SIPA1L3: variants seen among roughly 807,000 people sequenced by gnomAD.
The protein encoded by SIPA1L3 is signal-induced proliferation-associated 1-like protein 3.
Under a neutral mutation model 150.1 loss-of-function variants are expected in SIPA1L3, and 59 were observed. The observed-to-expected ratio is 0.39, with a 90% CI of 0.32 to 0.49. SIPA1L3 has a LOEUF of 0.49. Ranked by LOEUF, SIPA1L3 falls within the 20% of genes least tolerant of loss-of-function variation. SIPA1L3 has a pLI of 0.86. For synonymous variants in SIPA1L3, 1,070 were observed against 1,077.6 expected, an observed-to-expected ratio of 0.99 and a Z score of 0.14; for missense variants, 2,211 against 2,489.5, an observed-to-expected ratio of 0.89 and a Z score of 2.38.
intron 10 of SIPA1L3, among the ~76,000 whole-genome samples, chr19:38,134,339 C>T (rs1053586223): frequency 2.1e-5 from 3 of 141,970 alleles, no homozygotes; most frequent in Non-Finnish European, 4.5e-5. Context: ...CTCAGCTACT[C>T]AGGGTGAGAT....
chr19:37,920,942 T>A (rs560548340), intron 1 of SIPA1L3, among the ~76,000 whole-genome samples: 1 of 152,322 alleles, frequency 6.6e-6, no homozygotes, highest in East Asian at 1.9e-4. Flanking sequence ...TCCCACATTT[T>A]TTCCAAGGAC....
rs1397079071 is a variant in SIPA1L3 at position 38,193,566 on chromosome 19, G to A, written c.4626G>A (p.Thr1542=). The change falls in exon 18 of 22, where the codon ACG becomes ACA. Residue 1542 remains threonine, a synonymous_variant. Coordinates refer to ENST00000222345, the MANE Select transcript of SIPA1L3 (RefSeq NM_015073.3). The part of the protein sequence containing the change: ...GQSPQKGLQR[T]LSDESLCSGR... ...CACCGCAGAAGGGCCTGCAGCGGAC[G>A]CTGTCGGACGAGAGCCTGTGCAGCG... 3.3e-6 allele frequency: 5 copies of A among 1,523,558 alleles called. No individual in the cohort carries two copies. Among genetic ancestry groups the A allele is most frequent in the Non-Finnish European group, 4.4e-6 (5 of 1,145,802 alleles). The allele number at this position is 1,523,558 out of a possible 1,614,324, so 94.4% of individuals were successfully genotyped here. A position where few individuals can be genotyped will look rare whatever the true frequency, so the allele number is the denominator to read the frequency against.
At chr19:38,112,397 T>G (rs1167451640) in intron 8 of SIPA1L3, among the ~76,000 whole-genome samples, 1 of 152,100 alleles carries the variant, frequency 6.6e-6, no homozygotes, top group Non-Finnish European at 1.5e-5. Flanking sequence ...GGGAGCTGCT[T>G]TCTCTTCTTC....
chr19:38,112,916 C>A (rs1970798133), intron 8 of SIPA1L3, among the ~76,000 whole-genome samples: 1 of 152,122 alleles, frequency 6.6e-6, no homozygotes, highest in Non-Finnish European at 1.5e-5. Flanking sequence ...TCCTTCAAGA[C>A]TGAACTCAGG....
chr19:37,970,768 A>G (rs1452740485), intron 1 of SIPA1L3, among the ~76,000 whole-genome samples: 1 of 152,218 alleles, frequency 6.6e-6, no homozygotes, highest in Non-Finnish European at 1.5e-5. Flanking sequence ...AACTACCTTC[A>G]CGTTCTAAAG....
Position 38,164,597 on chromosome 19 carries a change from C to T in SIPA1L3, c.3899C>T (p.Pro1300Leu), listed in dbSNP as rs201089980. ...PLDPLEPEQD[P>L]LSKGGSSDSG... ...GACCCCCTGGAGCCAGAGCAAGACC[C>T]CCTCTCCAAGGGTGGCTCTAGTGAC... Residue 1300 changes from proline (P) to leucine (L), a missense_variant, in exon 15 of 22, where the codon CCC becomes CTC. Pro to Leu is a moderately conservative substitution (Grantham distance 98). Transcript: ENST00000222345. The surrounding 1 kb of genome is among the most constrained non-coding windows in gnomAD (Gnocchi z 4.1). 2.5e-6 allele frequency: 4 copies of T among 1,614,180 alleles called. No individual in the cohort carries two copies. In the East Asian group the frequency reaches 8.9e-5, roughly 36 times the overall value.
chr19:37,949,165 T>C (rs2046739334), intron 1 of SIPA1L3, among the ~76,000 whole-genome samples: 1 of 152,198 alleles, frequency 6.6e-6, no homozygotes, highest in African/African-American at 2.4e-5. Context: ...CGATTTTCTG[T>C]CTCCATCTCC....
chr19:38,049,519 C>T (rs942629819), intron 2 of SIPA1L3, among the ~76,000 whole-genome samples: 4 of 152,158 alleles, frequency 2.6e-5, no homozygotes, highest in African/African-American at 9.7e-5. Context: ...ATCCAGGTTG[C>T]CCCTAGCTCC....
intron 21 of SIPA1L3, 90 bp from the exon 22 acceptor site, chr19:38,206,007 G>A (rs780850310): frequency 7.4e-5 from 103 of 1,395,366 alleles, no homozygotes; most frequent in Middle Eastern, 2.6e-4. Context: ...AAGCACAGCC[G>A]GGCCAGGGCT....
Position 38,088,752 on chromosome 19 carries a change from G to C in SIPA1L3, c.1566G>C (p.Lys522Asn). 6.2e-7 allele frequency: 1 copy of C among 1,614,132 alleles called. No individual in the cohort carries two copies. The highest frequency in any genetic ancestry group is 8.5e-7 in the Non-Finnish European group (1 of 1,179,978). ...CCAATTACTTCGGCGTGGATGAGAA[G>C]CTGGGGCCAGTGGCTGTGAGCATTA... Reference protein sequence around the residue: ...EHANYFGVDEKLGPVAVSIKR... With the variant: ...EHANYFGVDENLGPVAVSIKR... Residue 522 changes from lysine to asparagine, a missense_variant, in exon 4 of 22, where the codon AAG (lysine) becomes AAC (asparagine). By Grantham distance (94) the Lys-to-Asn change is moderately conservative. Around this residue, in one of 5 missense-constraint regions of SIPA1L3, gnomAD observed 625 missense variants for 804.2 expected, o/e 0.78. Transcript: ENST00000222345.
In SIPA1L3 at chr19:38,192,286, G is replaced by A; in HGVS notation, c.4572G>A (p.Gly1524=). 6.2e-7 allele frequency: 1 copy of A among 1,611,466 alleles called. No homozygotes were observed. The highest frequency in any genetic ancestry group is 8.5e-7 in the Non-Finnish European group (1 of 1,178,824). ...AACTCATCATCATGGACAACCTGGG[G>A]CCAGAGCAGGAGAGAGACACGGGAG... is the stretch of plus-strand genomic sequence containing the variant. ...LKKLIIMDNL[G]PEQERDTGQS... The change falls in exon 17 of 22, where the codon GGG becomes GGA. Residue 1524 remains glycine (G), a synonymous_variant. Coordinates refer to ENST00000222345, the MANE Select transcript of SIPA1L3 (RefSeq NM_015073.3).
At chr19:38,118,929 T>G (rs1335665827) in intron 8 of SIPA1L3, among the ~76,000 whole-genome samples, 1 of 152,142 alleles carries the variant, frequency 6.6e-6, no homozygotes, top group Non-Finnish European at 1.5e-5. Context: ...GTGTGGTGGC[T>G]CACAGCTGTA....
intron 6 of SIPA1L3, among the ~76,000 whole-genome samples, chr19:38,102,592 GAAA>G (rs71179412): frequency 6.0e-5 from 4 of 66,868 alleles, no homozygotes; most frequent in Non-Finnish European, 9.9e-5. Flanking sequence ...CCCTGTCTCT[GAAA>G]AAAAAAAAAA....
At chr19:37,986,538 A>G (rs888522940) in intron 1 of SIPA1L3, among the ~76,000 whole-genome samples, 1 of 151,692 alleles carries the variant, frequency 6.6e-6, no homozygotes, top group Non-Finnish European at 1.5e-5. Flanking sequence ...CAGGAAGCTG[A>G]GAATTGTCAG....
chr19:38,180,002 A>T (rs1161548362), intron 15 of SIPA1L3, among the ~76,000 whole-genome samples: 2 of 152,056 alleles, frequency 1.3e-5, no homozygotes, highest in Non-Finnish European at 2.9e-5. Context: ...GCCACCACTC[A>T]GTTAATTTTT....
chr19:37,919,329 A>G (rs575262846), intron 1 of SIPA1L3, among the ~76,000 whole-genome samples: 2 of 152,336 alleles, frequency 1.3e-5, no homozygotes, highest in South Asian at 4.1e-4. Context: ...ACGAGCCAGC[A>G]TTCACTGAGC....
chr19:38,152,725 C>T (rs756179996), intron 12 of SIPA1L3, 115 bp from the exon 13 acceptor site: 54 of 1,128,862 alleles, frequency 4.8e-5, no homozygotes, highest in Non-Finnish European at 4.5e-5. Flanking sequence ...TCATCCACAG[C>T]GGAGCCTCCC....
Position 38,082,434 on chromosome 19 carries a change from G to A in SIPA1L3, c.869G>A (p.Gly290Asp), listed in dbSNP as rs1333256492. Residue 290 changes from glycine (G) to aspartate (D), a missense_variant, in exon 3 of 22, where the codon GGC becomes GAC. Gly to Asp is a moderately conservative substitution (Grantham distance 94). Coordinates refer to ENST00000222345, the MANE Select transcript of SIPA1L3 (RefSeq NM_015073.3). ...AAGGCCCGGAAGAAACCTGCGCGGG[G>A]CCTCGGCGGCGGGGACACGGTGGAC... ...KEKARKKPAR[G>D]LGGGDTVDSS... is the part of the protein sequence containing the mutation. 2 of 1,591,278 alleles carry A rather than the reference G, an allele frequency of 1.3e-6. No homozygotes were observed. The highest frequency in any genetic ancestry group is 2.2e-5 in the East Asian group (1 of 44,514).
intron 15 of SIPA1L3, among the ~76,000 whole-genome samples, chr19:38,179,623 C>A: frequency 6.6e-6 from 1 of 152,042 alleles, no homozygotes; most frequent in South Asian, 2.1e-4. Context: ...TTTTTGTGCT[C>A]TGTTTATCAT....
Sources: allele counts gnomAD v4.1 joint callset (sites outside exome capture counted in the v4.1 genomes callset), GRCh38; gene constraint gnomAD v4.1.1; regional missense constraint gnomAD v4.1.1; non-coding constraint Gnocchi (gnomAD v3.1); transcripts MANE v1.5; gene names NCBI Gene and HGNC (gene_info 2026-07-23, HGNC 2026-07-21).